Variants in TENM2 observed in about 807,000 individuals in gnomAD.
TENM2 encodes the protein teneurin transmembrane protein 2.
In TENM2, 52 loss-of-function variants were observed where a neutral mutation model predicts 245.2. The observed-to-expected ratio is 0.21, with a 90% CI of 0.17 to 0.27. The LOEUF is 0.27. Ranked by LOEUF, TENM2 falls within the 10% of genes least tolerant of loss-of-function variation. The pLI is 1.00. For missense variants in TENM2, 3,046 were observed against 3,666.8 expected (o/e 0.83, Z 4.37); for synonymous variants, 1,363 against 1,438.9 (o/e 0.95, Z 1.19).
intron 1 of TENM2, among the ~76,000 whole-genome samples, chr5:167,372,111 T>G (rs1178643605): frequency 6.6e-6 from 1 of 152,166 alleles, no homozygotes; most frequent in Non-Finnish European, 1.5e-5. Context: ...ATATTGATTT[T>G]AGAGGAAAAT....
intron 2 of TENM2, among the ~76,000 whole-genome samples, chr5:167,669,830 T>A (rs1468420792): frequency 6.6e-6 from 1 of 151,354 alleles, no homozygotes; most frequent in African/African-American, 2.4e-5. Flanking sequence ...TACTTGCTAA[T>A]AATTGCAAAA....
the TENM2 span, among the ~76,000 whole-genome samples, chr5:167,252,106 A>G: frequency 6.6e-6 from 1 of 152,106 alleles, no homozygotes; most frequent in African/African-American, 2.4e-5. Flanking sequence ...GGCTCAAGTA[A>G]GAGTTCATAA....
At chr5:167,452,965 A>AAATATATATATATATTT (rs1490908045) in intron 2 of TENM2, among the ~76,000 whole-genome samples, 732 of 64,304 alleles carry the variant, frequency 0.011, 22 homozygotes, top group African/African-American at 0.027. Flanking sequence ...ATATATATTT[A>AAATATATATATATATTT]AAAAAAAAAA....
intron 6 of TENM2, among the ~76,000 whole-genome samples, chr5:168,054,120 T>A (rs956862047): frequency 6.6e-6 from 1 of 152,242 alleles, no homozygotes; most frequent in Admixed American, 6.5e-5. Context: ...TGACTATTTT[T>A]ATCTAAAGCA....
intron 3 of TENM2, among the ~76,000 whole-genome samples, chr5:167,940,849 C>G (rs925817150): frequency 2.6e-5 from 4 of 152,220 alleles, no homozygotes; most frequent in Non-Finnish European, 5.9e-5. Flanking sequence ...ATGGCTCTCT[C>G]TCTCTATTTC....
intron 3 of TENM2, among the ~76,000 whole-genome samples, chr5:167,882,153 C>T (rs541921445): frequency 3.9e-4 from 59 of 152,248 alleles, no homozygotes; most frequent in African/African-American, 1.3e-3. Flanking sequence ...ACAGTGAAAG[C>T]GTTGTATTAA....
the TENM2 span, among the ~76,000 whole-genome samples, chr5:167,218,322 C>G: frequency 1.3e-5 from 2 of 152,156 alleles, no homozygotes; most frequent in African/African-American, 4.8e-5. Context: ...ATGAATATTG[C>G]TTGAGAATTT....
At chr5:167,149,487 C>G in the TENM2 span, among the ~76,000 whole-genome samples, 23 of 152,136 alleles carry the variant, frequency 1.5e-4, no homozygotes, top group African/African-American at 5.5e-4. Flanking sequence ...GAGTATAGAC[C>G]GGGATGGTGT....
intron 2 of TENM2, among the ~76,000 whole-genome samples, chr5:167,587,892 C>A (rs1447135086): frequency 6.6e-6 from 1 of 152,084 alleles, no homozygotes; most frequent in Non-Finnish European, 1.5e-5. Flanking sequence ...CTTTTTCCCC[C>A]CTTAGCCCGT....
chr5:167,009,107 C>T, the TENM2 span, among the ~76,000 whole-genome samples: 1 of 152,126 alleles, frequency 6.6e-6, no homozygotes, highest in African/African-American at 2.4e-5. Flanking sequence ...TCATTTACAC[C>T]CTTCAACAGA....
intron 12 of TENM2, among the ~76,000 whole-genome samples, chr5:168,149,712 C>G (rs1443712049): frequency 6.6e-6 from 1 of 152,160 alleles, no homozygotes; most frequent in Non-Finnish European, 1.5e-5. Flanking sequence ...AAACTCATGT[C>G]AGATCAGGCC....
At chr5:167,194,600 G>A in the TENM2 span, among the ~76,000 whole-genome samples, 2 of 152,090 alleles carry the variant, frequency 1.3e-5, no homozygotes, top group South Asian at 4.1e-4. Context: ...TTTTGAGTCA[G>A]GGATTAATGA....
At chr5:167,394,898 T>A (rs1761967451) in intron 2 of TENM2, among the ~76,000 whole-genome samples, 1 of 152,172 alleles carries the variant, frequency 6.6e-6, no homozygotes, top group African/African-American at 2.4e-5. Flanking sequence ...GGCCAGGCTG[T>A]AATGTATTTT....
chr5:167,567,745 C>G (rs927046165), intron 2 of TENM2, among the ~76,000 whole-genome samples: 2 of 152,032 alleles, frequency 1.3e-5, no homozygotes, highest in African/African-American at 4.8e-5. Flanking sequence ...TTCATACAAC[C>G]CCAGGGGTAA....
chr5:167,568,556 C>T (rs1002749924), intron 2 of TENM2, among the ~76,000 whole-genome samples: 5 of 151,986 alleles, frequency 3.3e-5, no homozygotes. Context: ...AAGTGTGTGA[C>T]ACCATTGATT....
At chr5:167,920,336 AAAAAG>A (rs931678107) in intron 3 of TENM2, among the ~76,000 whole-genome samples, 2 of 149,638 alleles carry the variant, frequency 1.3e-5, no homozygotes, top group African/African-American at 5.0e-5. Flanking sequence ...TACTTAAAAA[AAAAAG>A]AAAAAAAAAG....
intron 2 of TENM2, among the ~76,000 whole-genome samples, chr5:167,693,806 A>G (rs1015817510): frequency 6.6e-6 from 1 of 152,152 alleles, no homozygotes; most frequent in Admixed American, 6.5e-5. Flanking sequence ...TTCAGAGTCC[A>G]CTGCCTTGCC....
the TENM2 span, among the ~76,000 whole-genome samples, chr5:167,152,002 A>G: frequency 1.3e-5 from 2 of 152,152 alleles, no homozygotes; most frequent in African/African-American, 4.8e-5. Context: ...TTAGATGCCT[A>G]GTAGTTAAGC....
chr5:167,510,482 G>A lies in TENM2; in HGVS notation c.502+135009G>A, dbSNP rs149203782. Among the ~76,000 whole-genome samples, 1,462 of 152,238 alleles carry A rather than the reference G, an allele frequency of 9.6e-3. 11 individuals carry two copies. The highest frequency in any genetic ancestry group is 0.017 in the Middle Eastern group (5 of 294). On this transcript the variant is annotated intron_variant, in intron 2 of 28. Transcript: ENST00000518659. ...TGGAAGAACACTTCGAGTGAAAAGG[G>A]AAATAAGTGTGGAGGATCAGCAGTT... is the stretch of plus-strand genomic sequence containing the variant.
Sources: gnomAD v4.1 joint callset for allele counts (sites outside exome capture counted in the v4.1 genomes callset) on GRCh38, gnomAD v4.1.1 for gene constraint, MANE v1.5 for transcripts, NCBI Gene and HGNC (gene_info 2026-07-23, HGNC 2026-07-21) for gene names.